The following IFNLR1 variants were observed in gnomAD, a reference collection of about 807,000 sequenced individuals.
IFNLR1 encodes the protein interferon lambda receptor 1, also known as CRF2-12.
Under a neutral mutation model 52.5 loss-of-function variants are expected in IFNLR1, and 28 were observed. The observed-to-expected ratio is 0.53, with a 90% CI of 0.40 to 0.73. The LOEUF (loss-of-function observed/expected upper bound fraction) is 0.73. IFNLR1 is among the 30% of genes least tolerant of loss of function. The pLI, the probability that IFNLR1 is intolerant of heterozygous loss-of-function variation, is 0.00. For synonymous variants in IFNLR1, 276 were observed against 274.9 expected (o/e 1.00, Z -0.04); for missense variants, 623 against 659.1 (o/e 0.95, Z 0.60).
chr1:24,171,514 C>T (rs1055723482), intron 2 of IFNLR1, among the ~76,000 whole-genome samples: 2 of 152,082 alleles, frequency 1.3e-5, no homozygotes, highest in Non-Finnish European at 2.9e-5. Context: ...TTTGAGACAG[C>T]GTCTTGCTCT....
At chr1:24,180,692 T>TTTCCCCCCCCC in intron 2 of IFNLR1, 39 bp downstream of exon 2, 1 of 302,342 alleles carries the variant, frequency 3.3e-6, no homozygotes, top group Non-Finnish European at 5.7e-6. Context: ...ACCCACCCCC[T>TTTCCCCCCCCC]CAGTCTTCCC....
At chr1:24,158,526 C>A (rs1332856930) in intron 6 of IFNLR1, among the ~76,000 whole-genome samples, 1 of 152,180 alleles carries the variant, frequency 6.6e-6, no homozygotes, top group African/African-American at 2.4e-5. Context: ...CTCGCATATG[C>A]CCAAGCTGCC....
chr1:24,169,324 CAG>C (rs1557647752), intron 3 of IFNLR1, 91 bp downstream of exon 3: 7 of 1,224,096 alleles, frequency 5.7e-6, no homozygotes. Context: ...AAGTGGGAGA[CAG>C]ATGGTCAGGA....
chr1:24,179,130 G>T (rs4649199), intron 2 of IFNLR1, among the ~76,000 whole-genome samples: 37,823 of 144,838 alleles, frequency 0.26, 5,576 homozygotes, highest in Non-Finnish European at 0.33. Flanking sequence ...TTTTTTTTTT[G>T]TAGAGACAGG....
In IFNLR1 at chr1:24,157,305, C is replaced by G; in HGVS notation, c.1388G>C (p.Gly463Ala). Reference protein sequence around the residue: ...TLPPEPNLVPGGPPVSLQTLT... With the variant: ...TLPPEPNLVPAGPPVSLQTLT... ...TGTCTGAAGAGAAACTGGGGGTCCC[C>G]CAGGGACCAGATTCGGCTCCGGTGG... is the stretch of plus-strand genomic sequence containing the variant. Residue 463 changes from glycine to alanine, a missense_variant, in exon 7 of 7, where the codon GGG becomes GCG. By Grantham distance (60) the Gly-to-Ala change is moderately conservative (BLOSUM62 0). Transcript: ENST00000327535. This position sits in a 1 kb window ranked among gnomAD's most constrained non-coding sequence, Gnocchi z 5.1. 6.2e-7 allele frequency: 1 copy of G among 1,614,164 alleles called. No homozygotes were observed. Among genetic ancestry groups the G allele is most frequent in the South Asian group, 1.1e-5 (1 of 91,090 alleles).
chr1:24,172,282 A>G (rs1388721782), intron 2 of IFNLR1, among the ~76,000 whole-genome samples: 1 of 152,218 alleles, frequency 6.6e-6, no homozygotes, highest in East Asian at 1.9e-4. Context: ...AAGAATAGAA[A>G]TTAATAAGCT....
chr1:24,157,391 C>G lies in IFNLR1; in HGVS notation c.1302G>C (p.Ser434=). Residue 434 remains serine (S), a synonymous_variant, in exon 7 of 7, where the codon TCG becomes TCC. Transcript: ENST00000327535. The surrounding 1 kb of genome is among the most constrained non-coding windows in gnomAD (Gnocchi z 5.1). The part of the protein sequence containing the change: ...SLPPPEFSKD[S]GFLEELPEDN... ...CTTCTGGGAGCTCTTCCAGGAAACC[C>G]GAGTCCTTGGAGAATTCAGGTGGTG... is the stretch of plus-strand genomic sequence containing the variant. 1 of 1,614,184 alleles carries G rather than the reference C, an allele frequency of 6.2e-7. No homozygotes were observed. Among genetic ancestry groups the G allele is most frequent in the Non-Finnish European group, 8.5e-7 (1 of 1,180,042 alleles).
At chr1:24,161,783 G>C in intron 3 of IFNLR1, 99 bp from the exon 4 acceptor site, 8 of 1,237,878 alleles carry the variant, frequency 6.5e-6, no homozygotes, top group Middle Eastern at 2.9e-4. Context: ...AAAGCAACTA[G>C]CATGTTTCAA....
Position 24,161,557 on chromosome 1 carries a change from C to G in IFNLR1, c.495G>C (p.Glu165Asp). 2 of 1,555,448 alleles carry G rather than the reference C, an allele frequency of 1.3e-6. No homozygotes were observed. The highest frequency in any genetic ancestry group is 1.7e-6 in the Non-Finnish European group (2 of 1,148,416). Residue 165 changes from glutamate (E) to aspartate (D), a missense_variant, in exon 4 of 7, where the codon GAG becomes GAC. Physicochemically the swap from Glu to Asp is conservative, Grantham distance 45. Transcript: ENST00000327535. ...AGCTTCCCACCTTGTTTCCGGCCCC[C>G]TCCTTCCAGAATGCCACCTCATACT... ...DLKYEVAFWKEGAGNKTLFPV... is the reference protein window; with the variant it reads ...DLKYEVAFWKDGAGNKTLFPV...
intron 2 of IFNLR1, among the ~76,000 whole-genome samples, chr1:24,171,729 T>C (rs1644581886): frequency 1.3e-5 from 2 of 152,056 alleles, no homozygotes; most frequent in Non-Finnish European, 2.9e-5. Flanking sequence ...CAATCTCGGC[T>C]CACTGCAAAC....
chr1:24,174,125 T>C (rs56386195), intron 2 of IFNLR1, among the ~76,000 whole-genome samples: 14,831 of 152,144 alleles, frequency 0.097, 1,995 homozygotes, highest in African/African-American at 0.3. Context: ...GAGGAAGAGA[T>C]ACCAGAGTGA....
rs1644364473 is a variant in IFNLR1, at chr1:24,154,975, T to C, written c.*2155A>G. 6.6e-6 allele frequency: 1 copy of C among 152,258 alleles called. No homozygotes were observed. Among genetic ancestry groups the C allele is most frequent in the Non-Finnish European group, 1.5e-5 (1 of 68,052 alleles). The allele number at this position is 152,258 out of a possible 1,614,324, so 9.4% of individuals were successfully genotyped here. On this transcript the variant is annotated 3_prime_UTR_variant, in exon 7 of 7. Transcript: ENST00000327535. The stretch of plus-strand genomic sequence containing the variant: ...ACGGAGTGGTTATTTCATACAAGTC[T>C]AAGATGATGCTGATGATAGCTTTTA...
chr1:24,180,640 C>T, intron 2 of IFNLR1, 91 bp downstream of exon 2: 1 of 1,324,274 alleles, frequency 7.6e-7, no homozygotes, highest in Non-Finnish European at 1.1e-6. Context: ...CAGTGCTGCC[C>T]ACACTGGGTG....
Position 24,157,800 on chromosome 1 carries a change from A to G in IFNLR1, c.893T>C (p.Leu298Pro). Residue 298 changes from leucine to proline, a missense_variant, in exon 7 of 7, where the codon CTG becomes CCG. Physicochemically the swap from Leu to Pro is moderately conservative, Grantham distance 98 (BLOSUM62 -3). Transcript: ENST00000327535. This position sits in a 1 kb window ranked among gnomAD's most constrained non-coding sequence, Gnocchi z 5.1. Reference sequence around the variant, plus strand: ...AGGCGTCGGCCTGACCCCTCTGGTCAGTTCCTTTTGGGGACAGAGGAACAA... The same window carrying G: ...AGGCGTCGGCCTGACCCCTCTGGTCGGTTCCTTTTGGGGACAGAGGAACAA... The part of the protein sequence containing the change: ...NDLFLCPQKE[L>P]TRGVRPTPRV... The G allele has an allele frequency of 6.2e-7, 1 of 1,614,086 alleles. No individual in the cohort carries two copies. Among genetic ancestry groups the G allele is most frequent in the Non-Finnish European group, 8.5e-7 (1 of 1,179,996 alleles).
chr1:24,178,445 CAG>C (rs1370500514), intron 2 of IFNLR1, among the ~76,000 whole-genome samples: 7 of 152,088 alleles, frequency 4.6e-5, no homozygotes, highest in African/African-American at 1.7e-4. Context: ...TGGCTGACTG[CAG>C]GTTTTAGGTC....
rs757692467 is a variant in IFNLR1, at chr1:24,157,211, G to T, written c.1482C>A (p.Ser494Arg). 12 of 1,614,136 alleles carry T rather than the reference G, an allele frequency of 7.4e-6. No individual in the cohort carries two copies. Among genetic ancestry groups the T allele is most frequent in the Non-Finnish European group, 8.5e-6 (10 of 1,180,020 alleles). The change falls in exon 7 of 7, where the codon AGC (serine) becomes AGA (arginine). Residue 494 changes from serine to arginine, a missense_variant. Ser to Arg is a moderately radical substitution (Grantham distance 110, BLOSUM62 -1). Coordinates refer to ENST00000327535, the MANE Select transcript of IFNLR1 (RefSeq NM_170743.4). This position sits in a 1 kb window ranked among gnomAD's most constrained non-coding sequence, Gnocchi z 5.1. ...TCTCAGCCCCCCAGCTGCCCGCATCGCTGTCCTCAATTTCTGATTCCCTCG... is the reference window on the plus strand; with the variant it reads ...TCTCAGCCCCCCAGCTGCCCGCATCTCTGTCCTCAATTTCTGATTCCCTCG... ...EEARESEIEDSDAGSWGAEST... is the reference protein window; with the variant it reads ...EEARESEIEDRDAGSWGAEST...
intron 1 of IFNLR1, among the ~76,000 whole-genome samples, chr1:24,182,420 T>G (rs1644700122): frequency 1.3e-5 from 2 of 152,224 alleles, no homozygotes; most frequent in African/African-American, 4.8e-5. Context: ...ATATTCATTA[T>G]TTATTTCACA....
intron 1 of IFNLR1, among the ~76,000 whole-genome samples, chr1:24,186,690 AAAC>A (rs1553163918): frequency 1.5e-4 from 22 of 149,766 alleles, no homozygotes; most frequent in Non-Finnish European, 1.6e-4. Flanking sequence ...AACAACAACA[AAAC>A]AACAACAAAA....
chr1:24,155,931 G>C lies in IFNLR1; in HGVS notation c.*1199C>G, dbSNP rs1644373746. 1 of 152,208 alleles carries C rather than the reference G, an allele frequency of 6.6e-6. No individual in the cohort carries two copies. Among genetic ancestry groups the C allele is most frequent in the Admixed American group, 6.5e-5 (1 of 15,280 alleles). 9.4% of individuals were successfully genotyped at this position (152,208 alleles called of 1,614,324 possible). A position where few individuals can be genotyped will look rare whatever the true frequency, so the allele number is the denominator to read the frequency against. ...TAAGGATAGTCACCTGAATCTAGAA[G>C]GCATTGGTTTCTCATAACTGGAAGG... On this transcript the variant is annotated 3_prime_UTR_variant, in exon 7 of 7. Transcript: ENST00000327535.
Sources: allele counts gnomAD v4.1 joint callset (sites outside exome capture counted in the v4.1 genomes callset), GRCh38; gene constraint gnomAD v4.1.1; non-coding constraint Gnocchi (gnomAD v3.1); transcripts MANE v1.5; gene names NCBI Gene and HGNC (gene_info 2026-07-23, HGNC 2026-07-21).